GRID2: variants seen among roughly 807,000 people sequenced by gnomAD.
GRID2 encodes the protein glutamate ionotropic receptor delta type subunit 2.
GRID2 carries 33 observed loss-of-function variants against 114.8 expected under a neutral mutation model. The ratio of observed to expected loss-of-function variants is 0.29; its 90% confidence interval spans 0.22 to 0.38. GRID2 has a LOEUF of 0.38. Ranked by LOEUF, GRID2 falls within the 10% of genes least tolerant of loss-of-function variation. The probability of loss-of-function intolerance (pLI) is 1.00; values close to 1 mark genes in which losing one functional copy is unlikely to be tolerated. For missense variants in GRID2, 1,184 were observed against 1,257.7 expected, an observed-to-expected ratio of 0.94 and a Z score of 0.89; for synonymous variants, 505 against 449.9, an observed-to-expected ratio of 1.12 and a Z score of -1.55.
At chr4:93,335,046 T>G (rs61678685) in intron 8 of GRID2, among the ~76,000 whole-genome samples, 1,906 of 105,530 alleles carry the variant, frequency 0.018, 44 homozygotes, top group African/African-American at 0.063. Context: ...TAATTGGTGA[T>G]AGCAAAACAT....
intron 2 of GRID2, among the ~76,000 whole-genome samples, chr4:92,843,520 C>G (rs1315590561): frequency 1.3e-5 from 2 of 151,882 alleles, no homozygotes; most frequent in Non-Finnish European, 2.9e-5. Context: ...AATTATAAAC[C>G]TGTTGCATGG....
At chr4:92,427,407 A>G (rs1732213416) in intron 1 of GRID2, among the ~76,000 whole-genome samples, 2 of 152,196 alleles carry the variant, frequency 1.3e-5, no homozygotes, top group Non-Finnish European at 1.5e-5. Context: ...AGGTTTGTTG[A>G]GTTATGGACT....
chr4:92,333,099 A>C (rs1252106524), intron 1 of GRID2, among the ~76,000 whole-genome samples: 1 of 152,224 alleles, frequency 6.6e-6, no homozygotes, highest in Non-Finnish European at 1.5e-5. Flanking sequence ...TCCTGTAACA[A>C]GTCTCTGCCT....
intron 14 of GRID2, among the ~76,000 whole-genome samples, chr4:93,718,725 A>AG (rs1729111305): frequency 6.6e-6 from 1 of 152,182 alleles, no homozygotes; most frequent in Non-Finnish European, 1.5e-5. Flanking sequence ...TTTAAAAAAA[A>AG]AATCCGTAGG....
At chr4:93,740,331 C>T (rs1578706929) in intron 14 of GRID2, among the ~76,000 whole-genome samples, 2 of 152,242 alleles carry the variant, frequency 1.3e-5, no homozygotes, top group South Asian at 4.2e-4. Context: ...CTCCGCCAAG[C>T]AACCCATGAC....
intron 4 of GRID2, among the ~76,000 whole-genome samples, chr4:93,111,544 C>A (rs1284010116): frequency 2.0e-5 from 3 of 151,996 alleles, no homozygotes; most frequent in Non-Finnish European, 4.4e-5. Flanking sequence ...AGTAAAAATA[C>A]AATTAAGACT....
At chr4:92,677,598 C>T (rs966065231) in intron 2 of GRID2, among the ~76,000 whole-genome samples, 1 of 152,102 alleles carries the variant, frequency 6.6e-6, no homozygotes, top group Admixed American at 6.5e-5. Context: ...GCTGCTCTTG[C>T]TGCATTACAT....
intron 11 of GRID2, among the ~76,000 whole-genome samples, chr4:93,465,136 G>A (rs1409882863): frequency 6.6e-6 from 1 of 152,144 alleles, no homozygotes; most frequent in East Asian, 1.9e-4. Flanking sequence ...CAATTGTCAT[G>A]CTGAGGAAAC....
chr4:93,633,230 A>C (rs2149701475), intron 14 of GRID2, among the ~76,000 whole-genome samples: 1 of 151,980 alleles, frequency 6.6e-6, no homozygotes, highest in East Asian at 1.9e-4. Flanking sequence ...AACTATTAGA[A>C]TATTTAATTT....
At chr4:92,485,324 A>T (rs1218935129) in intron 1 of GRID2, among the ~76,000 whole-genome samples, 1 of 97,034 alleles carries the variant, frequency 1.0e-5, no homozygotes, top group African/African-American at 3.6e-5. Flanking sequence ...ATATATATAT[A>T]TATATATATA....
At chr4:93,460,357 C>A (rs373116862) in intron 11 of GRID2, among the ~76,000 whole-genome samples, 4 of 152,314 alleles carry the variant, frequency 2.6e-5, no homozygotes, top group African/African-American at 9.6e-5. Flanking sequence ...TTTCCTAACT[C>A]TTCACCTTTG....
intron 2 of GRID2, among the ~76,000 whole-genome samples, chr4:92,761,425 T>C (rs997669175): frequency 4.6e-5 from 7 of 152,190 alleles, no homozygotes; most frequent in Non-Finnish European, 7.4e-5. Flanking sequence ...TAGTCAGATA[T>C]AAGAAATAGT....
chr4:93,009,465 A>G (rs780074941), intron 2 of GRID2, among the ~76,000 whole-genome samples: 1 of 152,196 alleles, frequency 6.6e-6, no homozygotes, highest in East Asian at 1.9e-4. Context: ...CAGAACCTGA[A>G]TGGAACGCAA....
chr4:93,184,105 T>A (rs956876330), intron 4 of GRID2, among the ~76,000 whole-genome samples: 2 of 152,140 alleles, frequency 1.3e-5, no homozygotes, highest in Non-Finnish European at 2.9e-5. Context: ...AAATGGTTTG[T>A]AGCTTGGATA....
chr4:92,873,939 C>T (rs1413206222), intron 2 of GRID2, among the ~76,000 whole-genome samples: 1 of 152,086 alleles, frequency 6.6e-6, no homozygotes, highest in African/African-American at 2.4e-5. Context: ...GTCTCGAACA[C>T]CTGACCTCAG....
intron 13 of GRID2, among the ~76,000 whole-genome samples, chr4:93,615,703 T>A (rs549993157): frequency 6.6e-6 from 1 of 151,954 alleles, no homozygotes; most frequent in East Asian, 1.9e-4. Context: ...TGTGGTGACT[T>A]ACTGTTTTAT....
intron 2 of GRID2, among the ~76,000 whole-genome samples, chr4:92,846,286 C>T (rs946552530): frequency 6.6e-6 from 1 of 151,976 alleles, no homozygotes; most frequent in Non-Finnish European, 1.5e-5. Flanking sequence ...GTATATAGTA[C>T]CTAATAGGTA....
chr4:93,011,542 C>G (rs1264850681), intron 2 of GRID2, among the ~76,000 whole-genome samples: 1 of 152,054 alleles, frequency 6.6e-6, no homozygotes, highest in Non-Finnish European at 1.5e-5. Context: ...CCCCAGCAAT[C>G]TCATTAGCAT....
intron 2 of GRID2, among the ~76,000 whole-genome samples, chr4:92,706,692 G>T (rs1199704911): frequency 1.3e-5 from 2 of 152,136 alleles, no homozygotes; most frequent in South Asian, 4.1e-4. Flanking sequence ...CTGTTTCAGA[G>T]CTCAATAGGA....
Sources: gnomAD v4.1 joint callset for allele counts (sites outside exome capture counted in the v4.1 genomes callset) on GRCh38, gnomAD v4.1.1 for gene constraint, MANE v1.5 for transcripts, NCBI Gene and HGNC (gene_info 2026-07-23, HGNC 2026-07-21) for gene names.